Variants in UNC13D observed in about 807,000 individuals in gnomAD.
UNC13D encodes the protein protein unc-13 homolog D.
In UNC13D, 115 loss-of-function variants were observed where a neutral mutation model predicts 151.7. That is an observed-to-expected ratio of 0.76 (90% CI 0.65 to 0.88). The LOEUF is 0.88. UNC13D is among the 40% of genes least tolerant of loss of function. The pLI is 0.00. For synonymous variants in UNC13D, 588 were observed against 612.2 expected, an observed-to-expected ratio of 0.96 and a Z score of 0.58; for missense variants, 1,369 against 1,438.7, an observed-to-expected ratio of 0.95 and a Z score of 0.78.
chr17:75,837,242 T>G (rs1327275860), intron 12 of UNC13D, among the ~76,000 whole-genome samples: 2 of 151,236 alleles, frequency 1.3e-5, no homozygotes, highest in Non-Finnish European at 2.9e-5. Flanking sequence ...AATTTTTTAT[T>G]TTTAGTAGAG....
Position 75,827,876 on chromosome 17 carries a change from G to T in UNC13D, c.*89C>A. 6.4e-7 allele frequency: 1 copy of T among 1,565,738 alleles called. No individual in the cohort carries two copies. Among genetic ancestry groups the T allele is most frequent in the Non-Finnish European group, 8.6e-7 (1 of 1,159,486 alleles). ...CCCAAGTGTTAGGCCAGGCTGGAGG[G>T]CCGCGATGTGGCGGGGAAGCCCCAG... is the stretch of plus-strand genomic sequence containing the variant. On this transcript the variant is annotated 3_prime_UTR_variant, in exon 32 of 32. Transcript: ENST00000207549.
At chr17:75,839,671 C>T (rs561463409) in intron 12 of UNC13D, among the ~76,000 whole-genome samples, 168 bp downstream of exon 12, 21 of 152,210 alleles carry the variant, frequency 1.4e-4, no homozygotes, top group African/African-American at 1.7e-4. Flanking sequence ...CCGCATCAGC[C>T]GAATCTCTAG....
At chr17:75,838,731 C>T (rs2064926236) in intron 12 of UNC13D, among the ~76,000 whole-genome samples, 1 of 152,170 alleles carries the variant, frequency 6.6e-6, no homozygotes, top group Admixed American at 6.5e-5. Flanking sequence ...ACTCAGGAGA[C>T]GAAAGCAACT....
At chr17:75,835,196 C>T in intron 20 of UNC13D, 133 bp from the exon 21 acceptor site, 2 of 1,474,594 alleles carry the variant, frequency 1.4e-6, no homozygotes, top group Non-Finnish European at 1.8e-6. Context: ...CACGGCTCCG[C>T]CCAGACCCCC....
At chr17:75,841,092 T>C (rs1404420619) in intron 6 of UNC13D, 91 bp from the exon 7 acceptor site, 2 of 1,479,072 alleles carry the variant, frequency 1.4e-6, no homozygotes. Flanking sequence ...GCCATGGAGT[T>C]GTAGCCTATC....
At chr17:75,842,012 G>A (rs2064953093) in intron 6 of UNC13D, among the ~76,000 whole-genome samples, 1 of 152,022 alleles carries the variant, frequency 6.6e-6, no homozygotes, top group Non-Finnish European at 1.5e-5. Flanking sequence ...CTCCCAAAAT[G>A]CTGGGATTAT....
Position 75,843,140 on chromosome 17 carries a change from G to T in UNC13D, c.261+19C>A. 6.2e-7 allele frequency: 1 copy of T among 1,610,910 alleles called. No homozygotes were observed. The highest frequency in any genetic ancestry group is 1.1e-5 in the South Asian group (1 of 91,054). On this transcript the variant is annotated intron_variant, in intron 3 of 31. Transcript: ENST00000207549. Reference sequence around the variant, plus strand: ...CAGGGCAGCTGCAGGAAGGGGGGTGGGGTGGGAGCCGGGCTCACCTCCTGC... The same window carrying T: ...CAGGGCAGCTGCAGGAAGGGGGGTGTGGTGGGAGCCGGGCTCACCTCCTGC...
Position 75,831,287 on chromosome 17 carries a change from G to C in UNC13D, c.2509C>G (p.Arg837Gly). ...TVLVEAAASQ[R>G]SSSLASNRLK... ...CTGTTGGAAGCCAGGGATGAGCTGCGCTGGGAGGCGGCCGCCTCCACCAGC... is the reference window on the plus strand; with the variant it reads ...CTGTTGGAAGCCAGGGATGAGCTGCCCTGGGAGGCGGCCGCCTCCACCAGC... Residue 837 changes from arginine to glycine, a missense_variant, in exon 26 of 32, where the codon CGC becomes GGC. This residue lies in a region of UNC13D where 807 missense variants were observed against 795.5 expected (regional missense o/e 1.01). Transcript: ENST00000207549. 6.2e-7 allele frequency: 1 copy of C among 1,613,840 alleles called. No individual in the cohort carries two copies. The highest frequency in any genetic ancestry group is 8.5e-7 in the Non-Finnish European group (1 of 1,180,034).
At chr17:75,839,552 C>T (rs917876828) in intron 12 of UNC13D, among the ~76,000 whole-genome samples, 2 of 151,992 alleles carry the variant, frequency 1.3e-5, no homozygotes, top group African/African-American at 2.4e-5. Context: ...CTCTGTGATC[C>T]GGGCAGGAGT....
chr17:75,842,343 C>T, intron 6 of UNC13D, 90 bp downstream of exon 6: 2 of 1,523,808 alleles, frequency 1.3e-6, no homozygotes, highest in Middle Eastern at 1.8e-4. Flanking sequence ...TCCCCTGAGC[C>T]AGGACGACCT....
chr17:75,829,821 G>T (rs182768666), intron 30 of UNC13D: 1 of 656,640 alleles, frequency 1.5e-6, no homozygotes, highest in Admixed American at 2.9e-5. Context: ...CAAGTGATCC[G>T]CCTGCCTCGG....
intron 2 of UNC13D, 63 bp downstream of exon 2, chr17:75,843,421 G>A: frequency 1.9e-6 from 3 of 1,579,344 alleles, no homozygotes; most frequent in Non-Finnish European, 2.6e-6. Context: ...ATCAGCGTCG[G>A]CCGGCAGGAG....
chr17:75,843,130 A>G, intron 3 of UNC13D, 29 bp downstream of exon 3: 4 of 1,609,642 alleles, frequency 2.5e-6, no homozygotes, highest in Non-Finnish European at 3.4e-6. Flanking sequence ...CAGCTGCAGG[A>G]AGGGGGGTGG....
In UNC13D at chr17:75,840,699, A is replaced by G. The variant is rs2064941709; in HGVS notation, c.683+63T>C. 7 of 1,612,140 alleles carry G rather than the reference A, an allele frequency of 4.3e-6. No individual in the cohort carries two copies. Among genetic ancestry groups the G allele is most frequent in the Non-Finnish European group, 5.9e-6 (7 of 1,178,718 alleles). ...GCCTGCACCCCAGCATCCAGTGTGCATGTTGGGGGATGGAGGGCAAAAGGA... is the reference window on the plus strand; with the variant it reads ...GCCTGCACCCCAGCATCCAGTGTGCGTGTTGGGGGATGGAGGGCAAAAGGA... On this transcript the variant is annotated intron_variant, in intron 8 of 31. Coordinates refer to ENST00000207549, the MANE Select transcript of UNC13D (RefSeq NM_199242.3). The surrounding 1 kb of genome is among the most constrained non-coding windows in gnomAD (Gnocchi z 4.6).
chr17:75,830,050 A>G lies in UNC13D; in HGVS notation c.2932T>C (p.Leu978=), dbSNP rs1055031933. The G allele has an allele frequency of 6.3e-7, 1 of 1,577,860 alleles. No homozygotes were observed. The highest frequency in any genetic ancestry group is 1.9e-5 in the Admixed American group (1 of 53,756). ...CACAATTCAAAGGTCTCATCAAACA[A>G]TGGGTGAAGGTCCTTCTTGTGCTTC... ...TQKHKKDLHP[L]FDETFEFLVP... is the part of the protein sequence containing the mutation. The change falls in exon 30 of 32, where the codon TTG becomes CTG. Residue 978 remains leucine (L), a synonymous_variant. Coordinates refer to ENST00000207549, the MANE Select transcript of UNC13D (RefSeq NM_199242.3).
In UNC13D at chr17:75,835,840, G is replaced by C. The variant is rs574478720; in HGVS notation, c.1596+15C>G. 25 of 1,613,924 alleles carry C rather than the reference G, an allele frequency of 1.5e-5. No homozygotes were observed. The highest frequency in any genetic ancestry group is 3.3e-5 in the Admixed American group (2 of 60,010). ...CTGTTGGAGGGCATGCCCTAGAGAC[G>C]GGGGAGGGACTCACCAGCCACTGCA... On this transcript the variant is annotated intron_variant, in intron 18 of 31. Transcript: ENST00000207549.
intron 5 of UNC13D, 94 bp from the exon 6 acceptor site, chr17:75,842,707 G>A (rs922114085): frequency 6.9e-6 from 11 of 1,600,930 alleles, no homozygotes; most frequent in East Asian, 4.5e-5. Context: ...AGCCTCCTCC[G>A]GGGGAGAGGG....
chr17:75,828,945 C>T lies in UNC13D; in HGVS notation c.2993G>A (p.Cys998Tyr). Residue 998 changes from cysteine to tyrosine, a missense_variant, in exon 31 of 32, where the codon TGC becomes TAC. By Grantham distance (194) the Cys-to-Tyr change is radical. Coordinates refer to ENST00000207549, the MANE Select transcript of UNC13D (RefSeq NM_199242.3). ...GTAGTCCAGCACGGTGAGCAGGAGG[C>T]ATGCCCCAGCCTTGCGGCACGGCTC... ...PAEPCRKAGA[C>Y]LLLTVLDYDT... 2 of 1,605,918 alleles carry T rather than the reference C, an allele frequency of 1.2e-6. No homozygotes were observed. The highest frequency in any genetic ancestry group is 1.8e-4 in the Middle Eastern group (1 of 5,668).
At position 75,836,727 on chromosome 17, in the gene UNC13D, A is replaced by G. The variant is rs201038617; in HGVS notation, c.1174-31T>C. On this transcript the variant is annotated intron_variant, in intron 13 of 31. Transcript: ENST00000207549. ...GAGCCAGGAGATGCTTTAGGGGCCT[A>G]GACAGCTGCTGCTGCTCCCCTGCCC... is the stretch of plus-strand genomic sequence containing the variant. 2.4e-4 allele frequency: 390 copies of G among 1,613,464 alleles called. 4 individuals are homozygous for G. The South Asian group carries it at 4.1e-3, about 17-fold the overall frequency.
Sources: gnomAD v4.1 joint callset for allele counts (sites outside exome capture counted in the v4.1 genomes callset) on GRCh38, gnomAD v4.1.1 for gene constraint, gnomAD v4.1.1 regional missense constraint, Gnocchi (gnomAD v3.1) non-coding constraint, MANE v1.5 for transcripts, NCBI Gene and HGNC (gene_info 2026-07-23, HGNC 2026-07-21) for gene names.